The following MYO1E variants were observed in gnomAD, a reference collection of about 807,000 sequenced individuals.
MYO1E encodes the protein myosin IE.
Under a neutral mutation model 151.1 loss-of-function variants are expected in MYO1E, and 68 were observed. The observed-to-expected ratio is 0.45, with a 90% CI of 0.37 to 0.55. The LOEUF (loss-of-function observed/expected upper bound fraction) is 0.55. MYO1E is among the 20% of genes least tolerant of loss of function. The pLI, the probability that MYO1E is intolerant of heterozygous loss-of-function variation, is 0.00. For synonymous variants in MYO1E, 601 were observed against 501.7 expected (o/e 1.20, Z -2.64); for missense variants, 1,363 against 1,389.3 (o/e 0.98, Z 0.30).
intron 1 of MYO1E, among the ~76,000 whole-genome samples, chr15:59,348,372 G>T (rs910857613): frequency 1.3e-5 from 2 of 152,170 alleles, no homozygotes; most frequent in Admixed American, 1.3e-4. Flanking sequence ...AATACATCCT[G>T]ATCAGTTTGC....
At chr15:59,352,628 T>A (rs2080829638) in intron 1 of MYO1E, among the ~76,000 whole-genome samples, 1 of 152,218 alleles carries the variant, frequency 6.6e-6, no homozygotes, top group Admixed American at 6.5e-5. Context: ...TTTCCTCATC[T>A]GTAAACCAAG....
chr15:59,174,317 G>C, intron 19 of MYO1E, 77 bp from the exon 20 acceptor site: 1 of 1,039,566 alleles, frequency 9.6e-7, no homozygotes, highest in Non-Finnish European at 1.5e-6. Flanking sequence ...TGTTATTCCA[G>C]GGACCCTCAG....
At chr15:59,258,905 G>A (rs2080209483) in intron 3 of MYO1E, among the ~76,000 whole-genome samples, 1 of 150,324 alleles carries the variant, frequency 6.7e-6, no homozygotes, top group Non-Finnish European at 1.5e-5. Context: ...CTTAAAATAT[G>A]TAAGGAGGCA....
At chr15:59,173,669 A>G in intron 21 of MYO1E, 77 bp downstream of exon 21, 1 of 1,573,376 alleles carries the variant, frequency 6.4e-7, no homozygotes. Context: ...TTTGGTAACA[A>G]CAAAAGCAAA....
At chr15:59,225,594 C>T (rs2079984978) in intron 7 of MYO1E, among the ~76,000 whole-genome samples, 1 of 152,138 alleles carries the variant, frequency 6.6e-6, no homozygotes, top group South Asian at 2.1e-4. Flanking sequence ...TTTCTCCCCA[C>T]ATCCACTCCC....
At chr15:59,201,963 C>T (rs1364067742) in intron 16 of MYO1E, among the ~76,000 whole-genome samples, 6 of 152,172 alleles carry the variant, frequency 3.9e-5, no homozygotes, top group Non-Finnish European at 7.3e-5. Flanking sequence ...GGTTTTTGGG[C>T]CTGGCCTGGT....
chr15:59,307,806 C>G (rs2080523911), intron 1 of MYO1E, among the ~76,000 whole-genome samples: 1 of 151,788 alleles, frequency 6.6e-6, no homozygotes, highest in Non-Finnish European at 1.5e-5. Context: ...GGTGGGGTTT[C>G]TCCATGTTGG....
chr15:59,233,394 G>A (rs566128475), intron 5 of MYO1E, among the ~76,000 whole-genome samples: 1 of 152,118 alleles, frequency 6.6e-6, no homozygotes, highest in East Asian at 1.9e-4. Flanking sequence ...GGCCGGGCGC[G>A]GTGGCTCACG....
intron 26 of MYO1E, among the ~76,000 whole-genome samples, chr15:59,152,044 G>A (rs1177498301): frequency 1.3e-5 from 2 of 151,746 alleles, no homozygotes; most frequent in African/African-American, 2.4e-5. Context: ...CTCCAGCCTG[G>A]CAACCGAGTG....
intron 3 of MYO1E, among the ~76,000 whole-genome samples, chr15:59,257,766 T>C (rs1468059933): frequency 6.6e-6 from 1 of 152,038 alleles, no homozygotes; most frequent in Non-Finnish European, 1.5e-5. Flanking sequence ...CTAGGACTGG[T>C]CACCTAAAGA....
intron 1 of MYO1E, among the ~76,000 whole-genome samples, chr15:59,366,505 A>T (rs1266747613): frequency 6.6e-6 from 1 of 152,110 alleles, no homozygotes. Context: ...CCGGCAAAAA[A>T]ATAGGTTTTA....
rs150865439 is a variant in MYO1E, at chr15:59,281,799, A to G, written c.4-9350T>C. On this transcript the variant is annotated intron_variant, in intron 1 of 27. Coordinates refer to ENST00000288235, the MANE Select transcript of MYO1E (RefSeq NM_004998.4). ...GTTTCTTCAACATGTAAAAATAGCT[A>G]CGAAGACAAATGTTGTAAGCCGGTC... Among the ~76,000 whole-genome samples, 717 of 152,310 alleles carry G rather than the reference A, an allele frequency of 4.7e-3. 2 individuals carry two copies. The highest frequency in any genetic ancestry group is 0.017 in the Middle Eastern group (5 of 294).
intron 1 of MYO1E, among the ~76,000 whole-genome samples, chr15:59,364,587 T>C (rs148332675): frequency 1.3e-5 from 2 of 152,196 alleles, no homozygotes; most frequent in Non-Finnish European, 2.9e-5. Flanking sequence ...AATTGTATAT[T>C]TGCCCCATAA....
chr15:59,345,626 G>C (rs2080790054), intron 1 of MYO1E, among the ~76,000 whole-genome samples: 1 of 152,218 alleles, frequency 6.6e-6, no homozygotes. Flanking sequence ...TACTTCCTGT[G>C]ATACAAGATG....
chr15:59,212,938 A>G (rs930351058), intron 12 of MYO1E: 4 of 149,010 alleles, frequency 2.7e-5, no homozygotes, highest in Non-Finnish European at 5.9e-5. Flanking sequence ...AAGAGGAAGG[A>G]TTCTCCCCTC....
chr15:59,152,610 C>A (rs918826587), intron 26 of MYO1E, among the ~76,000 whole-genome samples: 1 of 152,180 alleles, frequency 6.6e-6, no homozygotes, highest in African/African-American at 2.4e-5. Context: ...TGAGCAGACG[C>A]CTGCATGCCA....
At chr15:59,182,479 C>G (rs949423051) in intron 18 of MYO1E, among the ~76,000 whole-genome samples, 58 of 152,292 alleles carry the variant, frequency 3.8e-4, no homozygotes, top group Admixed American at 3.6e-3. Context: ...TCCCAAAGTG[C>G]TGCGATTATA....
intron 26 of MYO1E, among the ~76,000 whole-genome samples, chr15:59,151,829 C>T (rs1330710011): frequency 1.3e-5 from 2 of 151,904 alleles, no homozygotes; most frequent in Non-Finnish European, 2.9e-5. Context: ...GGGTGGATCA[C>T]GAGGTCAGGA....
intron 4 of MYO1E, among the ~76,000 whole-genome samples, chr15:59,239,503 AT>A (rs2080087362): frequency 6.6e-6 from 1 of 151,886 alleles, no homozygotes; most frequent in Non-Finnish European, 1.5e-5. Flanking sequence ...AATTTATTAA[AT>A]TTAAAAAAGA....
Sources: allele counts gnomAD v4.1 joint callset (sites outside exome capture counted in the v4.1 genomes callset), GRCh38; gene constraint gnomAD v4.1.1; transcripts MANE v1.5; gene names NCBI Gene and HGNC (gene_info 2026-07-23, HGNC 2026-07-21).